CPA6: variants seen among roughly 807,000 people sequenced by gnomAD.
The protein encoded by CPA6 is carboxypeptidase A6, also known as carboxypeptidase B.
A neutral mutation model predicts 63.3 loss-of-function variants in CPA6; 58 were observed. The observed-to-expected ratio is 0.92, with a 90% CI of 0.74 to 1.14. CPA6 has a LOEUF of 1.14. Ranked by LOEUF, CPA6 falls within the 50% of genes most tolerant of loss-of-function variation. CPA6 has a pLI of 0.00. For synonymous variants in CPA6, 185 were observed against 179.0 expected, an observed-to-expected ratio of 1.03 and a Z score of -0.27; for missense variants, 565 against 526.6, an observed-to-expected ratio of 1.07 and a Z score of -0.71.
intron 1 of CPA6, among the ~76,000 whole-genome samples, chr8:67,687,368 C>T (rs541941425): frequency 6.6e-6 from 1 of 152,234 alleles, no homozygotes; most frequent in African/African-American, 2.4e-5. Flanking sequence ...TGTGTGGAGT[C>T]ATTATCTGAT....
At chr8:67,441,122 C>T (rs1810285625) in intron 8 of CPA6, among the ~76,000 whole-genome samples, 3 of 152,276 alleles carry the variant, frequency 2.0e-5, no homozygotes, top group Admixed American at 1.3e-4. Context: ...TTCTCTGAGA[C>T]ACTGTTTATC....
At chr8:67,429,827 A>G (rs1167866206) in intron 9 of CPA6, among the ~76,000 whole-genome samples, 4 of 152,148 alleles carry the variant, frequency 2.6e-5, no homozygotes, top group Non-Finnish European at 5.9e-5. Flanking sequence ...TCTAAGAAAA[A>G]AAAAGATAAT....
At chr8:67,707,425 A>C (rs899189835) in intron 1 of CPA6, among the ~76,000 whole-genome samples, 4 of 152,226 alleles carry the variant, frequency 2.6e-5, no homozygotes, top group Non-Finnish European at 4.4e-5. Context: ...CCTATAAACA[A>C]AATTTTGAGC....
chr8:67,470,171 G>A (rs1038357594), intron 8 of CPA6, among the ~76,000 whole-genome samples: 1 of 151,388 alleles, frequency 6.6e-6, no homozygotes, highest in Admixed American at 6.6e-5. Context: ...CTGGGATTAC[G>A]GGCATGCACC....
At chr8:67,427,220 T>C (rs1240457031) in intron 10 of CPA6, among the ~76,000 whole-genome samples, 1 of 152,200 alleles carries the variant, frequency 6.6e-6, no homozygotes, top group African/African-American at 2.4e-5. Flanking sequence ...AAAGCAACCC[T>C]TATCTTCCAT....
At chr8:67,680,181 A>T (rs1211177406) in intron 1 of CPA6, among the ~76,000 whole-genome samples, 1 of 152,184 alleles carries the variant, frequency 6.6e-6, no homozygotes, top group Non-Finnish European at 1.5e-5. Flanking sequence ...TTGAGTGCTT[A>T]CTACTTCCAA....
At chr8:67,605,585 A>C (rs1297090892) in intron 2 of CPA6, among the ~76,000 whole-genome samples, 3 of 146,810 alleles carry the variant, frequency 2.0e-5, no homozygotes, top group Non-Finnish European at 4.5e-5. Context: ...GAATATGTGA[A>C]TATGGATCCC....
intron 2 of CPA6, among the ~76,000 whole-genome samples, chr8:67,582,044 T>C (rs1455115688): frequency 3.3e-5 from 5 of 152,020 alleles, no homozygotes; most frequent in Non-Finnish European, 5.9e-5. Context: ...ACATCTTTGG[T>C]TGTGTAGTGG....
intron 6 of CPA6, among the ~76,000 whole-genome samples, chr8:67,493,858 T>C (rs1811655596): frequency 6.6e-6 from 1 of 152,180 alleles, no homozygotes; most frequent in African/African-American, 2.4e-5. Flanking sequence ...ATTATACATC[T>C]TCAATGTCTA....
chr8:67,447,037 CATAT>C (rs200700013), intron 8 of CPA6, among the ~76,000 whole-genome samples: 24 of 123,046 alleles, frequency 2.0e-4, no homozygotes, highest in Non-Finnish European at 3.0e-4. Context: ...TATATACACA[CATAT>C]ATATATACAC....
chr8:67,497,230 A>G (rs1179479542), intron 6 of CPA6, among the ~76,000 whole-genome samples: 1 of 152,172 alleles, frequency 6.6e-6, no homozygotes, highest in Non-Finnish European at 1.5e-5. Flanking sequence ...CACCACTCCA[A>G]AAAGAACCTG....
rs549597403 is a variant in CPA6, at chr8:67,712,859, T to C, written c.116+33155A>G. Among the ~76,000 whole-genome samples the C allele has an allele frequency of 9.2e-5, 14 of 151,636 alleles. No individual in the cohort carries two copies. The South Asian group carries it at 2.5e-3, about 27-fold the overall frequency. Reference sequence around the variant, plus strand: ...ATCCCTTCGTCCAGCATCCCCACACTGTACACGGACCCGCCTGTGAGTCAC... The same window carrying C: ...ATCCCTTCGTCCAGCATCCCCACACCGTACACGGACCCGCCTGTGAGTCAC... On this transcript the variant is annotated intron_variant, in intron 1 of 10. Transcript: ENST00000297770.
At chr8:67,555,503 C>T (rs1413247475) in intron 2 of CPA6, among the ~76,000 whole-genome samples, 1 of 152,200 alleles carries the variant, frequency 6.6e-6, no homozygotes, top group African/African-American at 2.4e-5. Context: ...ATGCATCTCT[C>T]CATCTGGCTG....
intron 1 of CPA6, among the ~76,000 whole-genome samples, chr8:67,732,922 C>T (rs13265656): frequency 0.015 from 2,237 of 152,048 alleles, 29 homozygotes; most frequent in Non-Finnish European, 0.023. Flanking sequence ...TCTTGCCGGG[C>T]GTGGTGGCTC....
At chr8:67,549,934 G>T (rs1333407928) in intron 2 of CPA6, among the ~76,000 whole-genome samples, 4 of 152,192 alleles carry the variant, frequency 2.6e-5, no homozygotes, top group Non-Finnish European at 5.9e-5. Context: ...TGTAAATAAT[G>T]CTGCCATGAA....
intron 1 of CPA6, among the ~76,000 whole-genome samples, chr8:67,703,444 C>A (rs1817067204): frequency 6.6e-6 from 1 of 152,176 alleles, no homozygotes; most frequent in South Asian, 2.1e-4. Flanking sequence ...AAAATTGGAT[C>A]TTTCCCCAAA....
At chr8:67,635,596 C>G (rs545234882) in intron 1 of CPA6, among the ~76,000 whole-genome samples, 1 of 151,074 alleles carries the variant, frequency 6.6e-6, no homozygotes, top group Non-Finnish European at 1.5e-5. Flanking sequence ...GGTGAAACCC[C>G]GTCTCTACTA....
At chr8:67,431,816 A>G (rs1402608922) in intron 9 of CPA6, among the ~76,000 whole-genome samples, 2 of 152,208 alleles carry the variant, frequency 1.3e-5, no homozygotes, top group African/African-American at 4.8e-5. Context: ...TGGAATGCCA[A>G]GAACAAAATT....
intron 2 of CPA6, among the ~76,000 whole-genome samples, chr8:67,612,480 C>T (rs1438454365): frequency 6.6e-6 from 1 of 152,176 alleles, no homozygotes; most frequent in African/African-American, 2.4e-5. Context: ...GCTCTCTGTA[C>T]CTTCTCCTTT....
Sources: allele counts gnomAD v4.1 joint callset (sites outside exome capture counted in the v4.1 genomes callset), GRCh38; gene constraint gnomAD v4.1.1; transcripts MANE v1.5; gene names NCBI Gene and HGNC (gene_info 2026-07-23, HGNC 2026-07-21).